CTSA: variants seen among roughly 807,000 people sequenced by gnomAD.
The protein encoded by CTSA is cathepsin A.
Under a neutral mutation model 66.7 loss-of-function variants are expected in CTSA, and 42 were observed. The ratio of observed to expected loss-of-function variants is 0.63; its 90% confidence interval spans 0.49 to 0.81. CTSA has a LOEUF of 0.81. Among genes scored for constraint, CTSA ranks in the 40% least tolerant of loss-of-function variants. The probability of loss-of-function intolerance (pLI) is 0.00; values close to 1 mark genes in which losing one functional copy is unlikely to be tolerated. For missense variants in CTSA, 525 were observed against 610.9 expected, an observed-to-expected ratio of 0.86 and a Z score of 1.48; for synonymous variants, 225 against 248.6, an observed-to-expected ratio of 0.91 and a Z score of 0.89.
intron 11 of CTSA, among the ~76,000 whole-genome samples, chr20:45,895,659 C>T (rs1023822683): frequency 2.0e-5 from 3 of 152,142 alleles, no homozygotes; most frequent in African/African-American, 7.2e-5. Flanking sequence ...CAGTTCACTA[C>T]AGCCTCAACC....
chr20:45,894,525 C>T (rs1987135136), intron 8 of CTSA, 125 bp from the exon 9 acceptor site: 4 of 873,680 alleles, frequency 4.6e-6, no homozygotes, highest in South Asian at 1.4e-5. Flanking sequence ...GCCTCAGTTT[C>T]CCTACCTGTG....
chr20:45,896,248 C>CCT (rs977561608), intron 11 of CTSA: 1 of 150,976 alleles, frequency 6.6e-6, no homozygotes, highest in Admixed American at 6.6e-5. Context: ...GTGGCCACCC[C>CCT]CCCCCACAAC....
At position 45,894,914 on chromosome 20, in the gene CTSA, G is replaced by T. The variant is rs199925152; in HGVS notation, c.948+13G>T. On this transcript the variant is annotated intron_variant, in intron 10 of 14. Transcript: ENST00000646241. ...GATGTGGCATCAGGTGTGCGAGGGC[G>T]TGGGCTTCCTCCTGGTGAGGTGGGG... 243 of 1,614,146 alleles carry T rather than the reference G, an allele frequency of 1.5e-4. 1 individual carries two copies. The Middle Eastern group carries it at 2.0e-3, about 13-fold the overall frequency.
In CTSA at chr20:45,897,811, G is replaced by A. The variant is rs1324960956; in HGVS notation, c.1254+5G>A. On this transcript the variant is annotated splice_donor_5th_base_variant and intron_variant, in intron 13 of 14. Transcript: ENST00000646241. ...GTGGATTCCCTCAACCAGAAGGTAAGGTAGAGATTCCTGGCCCTGGGATAG... is the reference window on the plus strand; with the variant it reads ...GTGGATTCCCTCAACCAGAAGGTAAAGTAGAGATTCCTGGCCCTGGGATAG... 6.2e-7 allele frequency: 1 copy of A among 1,604,628 alleles called. No homozygotes were observed. Among genetic ancestry groups the A allele is most frequent in the Admixed American group, 1.7e-5 (1 of 60,010 alleles).
chr20:45,895,683 C>T (rs900972443), intron 11 of CTSA, among the ~76,000 whole-genome samples: 1 of 152,128 alleles, frequency 6.6e-6, no homozygotes, highest in African/African-American at 2.4e-5. Flanking sequence ...TAGGCTCAAG[C>T]GATCCTCCCA....
rs1202823799 is a variant in CTSA at position 45,894,747 on chromosome 20, T to G, written c.869+6T>G. Reference sequence around the variant, plus strand: ...GGGGTGCCCAGCCATTTTAGGTAGGTGCTGCTGGGTGCCCCTGGAGCCAAC... The same window carrying G: ...GGGGTGCCCAGCCATTTTAGGTAGGGGCTGCTGGGTGCCCCTGGAGCCAAC... On this transcript the variant is annotated splice_donor_region_variant and intron_variant, in intron 9 of 14. Transcript: ENST00000646241. The G allele has an allele frequency of 1.9e-6, 3 of 1,613,962 alleles. No individual in the cohort carries two copies. Among genetic ancestry groups the G allele is most frequent in the Non-Finnish European group, 1.7e-6 (2 of 1,179,908 alleles).
Position 45,895,076 on chromosome 20 carries a change from C to T in CTSA, c.1031C>T (p.Pro344Leu), listed in dbSNP as rs368108194. The change falls in exon 11 of 15, where the codon CCG becomes CTG. Residue 344 changes from proline (P) to leucine (L), a missense_variant. Physicochemically the swap from Pro to Leu is moderately conservative, Grantham distance 98. Coordinates refer to ENST00000646241, the MANE Select transcript of CTSA (RefSeq NM_000308.4). ...TTAASTYLNNPYVRKALNIPE... is the reference protein window; with the variant it reads ...TTAASTYLNNLYVRKALNIPE... Reference sequence around the variant, plus strand: ...GCTGCTTCCACCTACCTCAACAACCCGTACGTGCGGAAGGCCCTCAACATC... The same window carrying T: ...GCTGCTTCCACCTACCTCAACAACCTGTACGTGCGGAAGGCCCTCAACATC... 61 of 1,614,042 alleles carry T rather than the reference C, an allele frequency of 3.8e-5. No homozygotes were observed. The highest frequency in any genetic ancestry group is 1.2e-4 in the African/African-American group (9 of 74,912).
chr20:45,894,531 C>T, intron 8 of CTSA, 119 bp from the exon 9 acceptor site: 1 of 923,062 alleles, frequency 1.1e-6, no homozygotes, highest in South Asian at 1.3e-5. Context: ...GTTTCCCTAC[C>T]TGTGAAAAAA....
chr20:45,892,556 A>C, intron 5 of CTSA, 72 bp downstream of exon 5: 1 of 1,547,966 alleles, frequency 6.5e-7, no homozygotes, highest in Non-Finnish European at 8.9e-7. Context: ...TGGGAGAGAG[A>C]GCATGGCCTT....
In CTSA at chr20:45,897,825, G is replaced by C; in HGVS notation, c.1254+19G>C. 6.3e-7 allele frequency: 1 copy of C among 1,579,008 alleles called. No homozygotes were observed. Among genetic ancestry groups the C allele is most frequent in the Non-Finnish European group, 8.7e-7 (1 of 1,148,022 alleles). ...CCAGAAGGTAAGGTAGAGATTCCTG[G>C]CCCTGGGATAGGGGCTGCTGTGGAG... is the stretch of plus-strand genomic sequence containing the variant. On this transcript the variant is annotated intron_variant, in intron 13 of 14. Transcript: ENST00000646241.
chr20:45,896,553 C>T (rs2083108547), intron 11 of CTSA: 2 of 271,002 alleles, frequency 7.4e-6, no homozygotes, highest in South Asian at 7.6e-5. Context: ...CTGCCTCAGC[C>T]TTCTGAGTAG....
intron 7 of CTSA, 124 bp downstream of exon 7, chr20:45,893,435 A>G: frequency 1.3e-6 from 1 of 763,118 alleles, no homozygotes; most frequent in South Asian, 1.4e-5. Context: ...GGGTTGCAGA[A>G]AGAACCTAGT....
chr20:45,897,829 T>G (rs761143171), intron 13 of CTSA, 23 bp downstream of exon 13: 1 of 1,564,270 alleles, frequency 6.4e-7, no homozygotes, highest in South Asian at 1.1e-5. Context: ...TTCCTGGCCC[T>G]GGGATAGGGG....
intron 13 of CTSA, 57 bp downstream of exon 13, chr20:45,897,863 G>A: frequency 6.6e-7 from 1 of 1,508,592 alleles, no homozygotes; most frequent in Non-Finnish European, 9.2e-7. Context: ...TTGGGAGCGG[G>A]TATGCCTGGG....
rs771968194 is a variant in CTSA at position 45,894,827 on chromosome 20, G to C, written c.874G>C (p.Glu292Gln). 1.2e-6 allele frequency: 2 copies of C among 1,614,116 alleles called. No homozygotes were observed. The highest frequency in any genetic ancestry group is 1.1e-5 in the South Asian group (1 of 91,070). ...AGGVPSHFRYEKDTVVVQDLG... is the reference protein window; with the variant it reads ...AGGVPSHFRYQKDTVVVQDLG... ...TTCCCCCACCTCACATTGCAGGTATGAGAAGGACACTGTTGTGGTCCAGGA... is the reference window on the plus strand; with the variant it reads ...TTCCCCCACCTCACATTGCAGGTATCAGAAGGACACTGTTGTGGTCCAGGA... Residue 292 changes from glutamate to glutamine, a missense_variant, in exon 10 of 15, where the codon GAG becomes CAG. Around this residue, in one of 3 missense-constraint regions of CTSA, gnomAD observed 274 missense variants for 321.1 expected, o/e 0.85. Transcript: ENST00000646241.
intron 3 of CTSA, 85 bp downstream of exon 3, chr20:45,892,112 G>C (rs1378956881): frequency 2.0e-6 from 3 of 1,486,054 alleles, no homozygotes; most frequent in African/African-American, 2.8e-5. Context: ...TTTCCAAAAA[G>C]TTTCCTTCCT....
rs556708202 is a variant in CTSA, at chr20:45,898,253, G to A, written c.1360-114G>A. On this transcript the variant is annotated intron_variant, in intron 14 of 14. Transcript: ENST00000646241. The surrounding 1 kb of genome is among the most constrained non-coding windows in gnomAD (Gnocchi z 4.6). ...GGGCAAGTTTTTTTGGAGAGGGGTGGGGAGGGTTCTGGGAAGAATAAAGGG... is the reference window on the plus strand; with the variant it reads ...GGGCAAGTTTTTTTGGAGAGGGGTGAGGAGGGTTCTGGGAAGAATAAAGGG... 2.3e-6 allele frequency: 3 copies of A among 1,312,384 alleles called. No homozygotes were observed. The highest frequency in any genetic ancestry group is 2.5e-5 in the East Asian group (1 of 40,210). The allele number at this position is 1,312,384 out of a possible 1,614,324, so 81.3% of individuals were successfully genotyped here.
rs1038339689 is a variant in CTSA, at chr20:45,897,930, C to T, written c.1255-75C>T. On this transcript the variant is annotated intron_variant, in intron 13 of 14. Coordinates refer to ENST00000646241, the MANE Select transcript of CTSA (RefSeq NM_000308.4). The stretch of plus-strand genomic sequence containing the variant: ...CAGAGGGCAAGTGTGGAGGAATTCC[C>T]AGCCCTAAGGTCTTGCTGGTAGCTG... 4.5e-6 allele frequency: 7 copies of T among 1,572,186 alleles called. No individual in the cohort carries two copies. In the African/African-American group the frequency reaches 8.1e-5, roughly 18 times the overall value.
At position 45,891,676 on chromosome 20, in the gene CTSA, G is replaced by A. The variant is rs1439418300; in HGVS notation, c.108G>A (p.Gln36=). 1.2e-6 allele frequency: 2 copies of A among 1,612,806 alleles called. No homozygotes were observed. The highest frequency in any genetic ancestry group is 1.3e-5 in the African/African-American group (1 of 74,902). ...CAGCCCCCGACCAGGACGAGATCCA[G>A]CGCCTCCCCGGGCTGGCCAAGCAGC... ...GEAAPDQDEI[Q]RLPGLAKQPS... Residue 36 remains glutamine, a synonymous_variant, in exon 2 of 15, where the codon CAG becomes CAA. Transcript: ENST00000646241. This position sits in a 1 kb window ranked among gnomAD's most constrained non-coding sequence, Gnocchi z 4.6.
Sources: allele counts gnomAD v4.1 joint callset (sites outside exome capture counted in the v4.1 genomes callset), GRCh38; gene constraint gnomAD v4.1.1; regional missense constraint gnomAD v4.1.1; non-coding constraint Gnocchi (gnomAD v3.1); transcripts MANE v1.5; gene names NCBI Gene and HGNC (gene_info 2026-07-23, HGNC 2026-07-21).